Variants in LMO7 observed in about 807,000 individuals in gnomAD.
LMO7 encodes LIM domain 7.
Under a neutral mutation model 206.5 loss-of-function variants are expected in LMO7, and 120 were observed. The observed-to-expected ratio is 0.58, with a 90% CI of 0.50 to 0.68. The LOEUF is 0.68. Among genes scored for constraint, LMO7 ranks in the 30% least tolerant of loss-of-function variants. The probability of loss-of-function intolerance (pLI) is 0.00; values close to 1 mark genes in which losing one functional copy is unlikely to be tolerated. For synonymous variants in LMO7, 706 were observed against 681.5 expected, an observed-to-expected ratio of 1.04 and a Z score of -0.56; for missense variants, 1,959 against 1,957.9, an observed-to-expected ratio of 1.00 and a Z score of -0.01.
intron 2 of LMO7, among the ~76,000 whole-genome samples, chr13:75,714,959 G>C (rs1324449976): frequency 6.6e-6 from 1 of 151,948 alleles, no homozygotes; most frequent in Non-Finnish European, 1.5e-5. Flanking sequence ...GTGCCTTCAA[G>C]GAAGTGTGCC....
At chr13:75,823,203 G>A (rs752055315) in intron 14 of LMO7, among the ~76,000 whole-genome samples, 1 of 152,128 alleles carries the variant, frequency 6.6e-6, no homozygotes, top group Non-Finnish European at 1.5e-5. Context: ...AACTTGTTTA[G>A]AGGTTAGAGT....
At chr13:75,855,042 A>T (rs2060807676) in intron 28 of LMO7, 2 of 470,892 alleles carry the variant, frequency 4.2e-6, no homozygotes, top group African/African-American at 3.9e-5. Flanking sequence ...ATTTATGTGA[A>T]TAGGTGTCAA....
At chr13:75,732,463 C>T (rs1403710481) in intron 3 of LMO7, among the ~76,000 whole-genome samples, 2 of 152,218 alleles carry the variant, frequency 1.3e-5, no homozygotes, top group Non-Finnish European at 2.9e-5. Flanking sequence ...CGAGCCTTGG[C>T]TTTCAGCTCC....
At chr13:75,649,961 G>A (rs1331069174) in intron 1 of LMO7, among the ~76,000 whole-genome samples, 4 of 151,994 alleles carry the variant, frequency 2.6e-5, no homozygotes, top group Non-Finnish European at 5.9e-5. Flanking sequence ...TGTCCCCAGG[G>A]TTTTAGTTCA....
intron 1 of LMO7, among the ~76,000 whole-genome samples, chr13:75,650,351 A>T (rs2037434863): frequency 6.6e-6 from 1 of 151,726 alleles, no homozygotes; most frequent in Non-Finnish European, 1.5e-5. Context: ...GATGGTCTTG[A>T]TCTCTTGACC....
intron 1 of LMO7, among the ~76,000 whole-genome samples, chr13:75,660,934 A>G (rs1177719234): frequency 2.6e-5 from 4 of 152,192 alleles, no homozygotes; most frequent in Admixed American, 2.6e-4. Context: ...AACAGAATTT[A>G]GAACGTAGGT....
chr13:75,791,170 T>C (rs2053235209), intron 4 of LMO7, among the ~76,000 whole-genome samples: 1 of 152,128 alleles, frequency 6.6e-6, no homozygotes, highest in South Asian at 2.1e-4. Context: ...TTTCATCACA[T>C]AGGCCACCAT....
intron 4 of LMO7, among the ~76,000 whole-genome samples, chr13:75,763,096 ATC>A (rs2048400575): frequency 6.6e-6 from 1 of 152,162 alleles, no homozygotes; most frequent in Admixed American, 6.5e-5. Context: ...ATTATTGTAG[ATC>A]AAAGGACTTA....
At chr13:75,830,549 G>A (rs2058563236) in intron 15 of LMO7, among the ~76,000 whole-genome samples, 1 of 152,170 alleles carries the variant, frequency 6.6e-6, no homozygotes, top group Non-Finnish European at 1.5e-5. Flanking sequence ...CTTTGCCTGT[G>A]TTCTGTCCCA....
intron 1 of LMO7, among the ~76,000 whole-genome samples, chr13:75,703,266 A>C (rs1384467396): frequency 1.3e-5 from 2 of 152,182 alleles, no homozygotes; most frequent in Admixed American, 1.3e-4. Flanking sequence ...AATTTGATTT[A>C]AAAGTGATGA....
chr13:75,709,989 A>G (rs1662587303), intron 1 of LMO7, among the ~76,000 whole-genome samples: 1 of 152,218 alleles, frequency 6.6e-6, no homozygotes, highest in South Asian at 2.1e-4. Flanking sequence ...GGTGTAAGGA[A>G]GGGATCCAGT....
chr13:75,795,149 C>G (rs2053814026), intron 4 of LMO7, among the ~76,000 whole-genome samples: 1 of 152,032 alleles, frequency 6.6e-6, no homozygotes, highest in South Asian at 2.1e-4. Flanking sequence ...AACAGCACTG[C>G]TTTTTATAGA....
chr13:75,711,811 CA>C (rs2043151901), intron 1 of LMO7, among the ~76,000 whole-genome samples: 1 of 152,234 alleles, frequency 6.6e-6, no homozygotes, highest in Non-Finnish European at 1.5e-5. Context: ...TGCCTGCCTT[CA>C]AAACGTGTTT....
chr13:75,730,226 T>TG (rs1024874225), intron 3 of LMO7, among the ~76,000 whole-genome samples: 43 of 152,332 alleles, frequency 2.8e-4, no homozygotes, highest in African/African-American at 9.4e-4. Context: ...CTTGTACCTC[T>TG]GGTAGTATTT....
At chr13:75,802,154 A>T (rs1217627667) in intron 7 of LMO7, among the ~76,000 whole-genome samples, 1 of 152,224 alleles carries the variant, frequency 6.6e-6, no homozygotes, top group Non-Finnish European at 1.5e-5. Context: ...TTTGTTTTCC[A>T]AAAAACCAAT....
chr13:75,725,376 G>A (rs1373867403), intron 2 of LMO7, among the ~76,000 whole-genome samples: 6 of 151,980 alleles, frequency 3.9e-5, no homozygotes, highest in African/African-American at 2.4e-5. Context: ...CAAAATACAC[G>A]TTACTATAAG....
chr13:75,710,872 G>T (rs1300755273), intron 1 of LMO7, among the ~76,000 whole-genome samples: 1 of 151,740 alleles, frequency 6.6e-6, no homozygotes, highest in African/African-American at 2.4e-5. Flanking sequence ...TCCCAGTCTT[G>T]TGCCAGTTTT....
intron 1 of LMO7, among the ~76,000 whole-genome samples, chr13:75,661,653 A>G (rs2038614016): frequency 6.6e-6 from 1 of 152,206 alleles, no homozygotes; most frequent in African/African-American, 2.4e-5. Flanking sequence ...TCTTAGGCTG[A>G]GCACACAGGA....
At position 75,840,454 on chromosome 13, in the gene LMO7, C is replaced by T. The variant is rs777224573; in HGVS notation, c.3541C>T (p.Arg1181Trp). Residue 1181 changes from arginine to tryptophan, a missense_variant, in exon 22 of 31, where the codon CGG becomes TGG. Physicochemically the swap from Arg to Trp is moderately radical, Grantham distance 101. Coordinates refer to ENST00000377534, the MANE Select transcript of LMO7 (RefSeq NM_001306080.2). Reference protein sequence around the residue: ...WVWDQEEERKRQERWQKEQDR... With the variant: ...WVWDQEEERKWQERWQKEQDR... ...GTGGGATCAAGAGGAGGAGCGGAAG[C>T]GGCAGGAGAGGTGGCAGAAGGAGCA... 18 of 1,613,810 alleles carry T rather than the reference C, an allele frequency of 1.1e-5. No homozygotes were observed. The highest frequency in any genetic ancestry group is 4.0e-5 in the African/African-American group (3 of 74,882).
Sources: gnomAD v4.1 joint callset for allele counts (sites outside exome capture counted in the v4.1 genomes callset) on GRCh38, gnomAD v4.1.1 for gene constraint, MANE v1.5 for transcripts, NCBI Gene and HGNC (gene_info 2026-07-23, HGNC 2026-07-21) for gene names.